Variants in RSBN1 observed in about 807,000 individuals in gnomAD.
RSBN1 encodes the protein lysine-specific demethylase 9.
In RSBN1, 23 loss-of-function variants were observed where a neutral mutation model predicts 74.8. The ratio of observed to expected loss-of-function variants is 0.31; its 90% CI spans 0.22 to 0.44. The LOEUF is 0.44. Ranked by LOEUF, RSBN1 falls within the 20% of genes least tolerant of loss-of-function variation. RSBN1 has a pLI of 1.00. For missense variants in RSBN1, 808 were observed against 1,020.9 expected (o/e 0.79, Z 2.84); for synonymous variants, 407 against 379.6 (o/e 1.07, Z -0.84).
chr1:113,768,239 A>G lies in RSBN1; in HGVS notation c.1809T>C (p.Ala603=). The G allele has an allele frequency of 6.2e-7, 1 of 1,608,768 alleles. No individual in the cohort carries two copies. Among genetic ancestry groups the G allele is most frequent in the Non-Finnish European group, 8.5e-7 (1 of 1,177,952 alleles). Residue 603 remains alanine, a synonymous_variant, in exon 5 of 7, where the codon GCT becomes GCC. Coordinates refer to ENST00000261441, the MANE Select transcript of RSBN1 (RefSeq NM_018364.5). ...QSTAAVGVLK[A]VQFGEWSDQP... is the part of the protein sequence containing the mutation. The stretch of plus-strand genomic sequence containing the variant: ...TAACTCACCATTCACCAAATTGTAC[A>G]GCTTTCAAAACTCCAACAGCAGCCG...
rs139244607 is a variant in RSBN1, at chr1:113,812,310, C to T, written c.103G>A (p.Gly35Arg). ...ARAALARCAD[G>R]GAVGPFKCVF... ...CATTTAAATGGCCCGACCGCCCCCCCGTCCGCGCATCGCGCAAGCGCCGCC... is the reference window on the plus strand; with the variant it reads ...CATTTAAATGGCCCGACCGCCCCCCTGTCCGCGCATCGCGCAAGCGCCGCC... Residue 35 changes from glycine (G) to arginine (R), a missense_variant, in exon 1 of 7, where the codon GGG becomes AGG. Physicochemically the swap from Gly to Arg is moderately radical, Grantham distance 125. Coordinates refer to ENST00000261441, the MANE Select transcript of RSBN1 (RefSeq NM_018364.5). 27 of 1,604,130 alleles carry T rather than the reference C, an allele frequency of 1.7e-5. No individual in the cohort carries two copies. The African/African-American group carries it at 2.8e-4, about 17-fold the overall frequency.
intron 1 of RSBN1, among the ~76,000 whole-genome samples, chr1:113,809,736 T>C (rs1421634648): frequency 6.6e-6 from 1 of 152,200 alleles, no homozygotes; most frequent in Non-Finnish European, 1.5e-5. Context: ...GTTGGCAAAC[T>C]ACAGATATTT....
chr1:113,774,403 G>A (rs914306342), intron 4 of RSBN1, among the ~76,000 whole-genome samples: 3 of 151,714 alleles, frequency 2.0e-5, no homozygotes, highest in African/African-American at 7.3e-5. Flanking sequence ...GGCCAGGCAC[G>A]GTGGCTCACG....
chr1:113,806,944 T>C (rs1389459492), intron 1 of RSBN1, among the ~76,000 whole-genome samples: 1 of 149,994 alleles, frequency 6.7e-6, no homozygotes, highest in Non-Finnish European at 1.5e-5. Flanking sequence ...GCCCCAGAGG[T>C]TGAGGCTAGA....
At chr1:113,810,626 C>CA (rs1558006683) in intron 1 of RSBN1, among the ~76,000 whole-genome samples, 2 of 151,390 alleles carry the variant, frequency 1.3e-5, no homozygotes, top group Middle Eastern at 3.4e-3. Context: ...ATAGCACCAC[C>CA]AAAAAAAATG....
rs1037337065 is a variant in RSBN1 at position 113,812,283 on chromosome 1, C to G, written c.130G>C (p.Val44Leu). ...TGCGCAGCCATTTCACCCACAAACA[C>G]ACATTTAAATGGCCCGACCGCCCCC... ...DGGAVGPFKC[V>L]FVGEMAAQVG... is the part of the protein sequence containing the mutation. Residue 44 changes from valine to leucine, a missense_variant, in exon 1 of 7, where the codon GTG becomes CTG. Val to Leu is a conservative substitution (Grantham distance 32, BLOSUM62 1). Transcript: ENST00000261441. 1 of 1,605,356 alleles carries G rather than the reference C, an allele frequency of 6.2e-7. No individual in the cohort carries two copies. Among genetic ancestry groups the G allele is most frequent in the Non-Finnish European group, 8.5e-7 (1 of 1,179,826 alleles).
intron 1 of RSBN1, among the ~76,000 whole-genome samples, chr1:113,805,472 T>C (rs1385644688): frequency 2.0e-5 from 3 of 152,130 alleles, no homozygotes; most frequent in Non-Finnish European, 4.4e-5. Flanking sequence ...TCAAGCTTAT[T>C]CCCTATAAGA....
At chr1:113,773,215 A>C (rs1458367742) in intron 4 of RSBN1, among the ~76,000 whole-genome samples, 2 of 152,214 alleles carry the variant, frequency 1.3e-5, no homozygotes, top group Non-Finnish European at 2.9e-5. Context: ...CCCCTCAAAA[A>C]ACAGCAAATT....
intron 1 of RSBN1, among the ~76,000 whole-genome samples, chr1:113,808,149 C>T (rs1660751223): frequency 6.6e-6 from 1 of 152,100 alleles, no homozygotes; most frequent in Admixed American, 6.5e-5. Flanking sequence ...ATATAGTCAT[C>T]CTTGGTATCC....
intron 2 of RSBN1, among the ~76,000 whole-genome samples, chr1:113,787,282 C>T (rs1030277187): frequency 6.6e-6 from 1 of 152,056 alleles, no homozygotes; most frequent in Non-Finnish European, 1.5e-5. Context: ...TTGTCAAAAT[C>T]CCACTCAAGT....
At chr1:113,772,289 C>T (rs978795117) in intron 4 of RSBN1, among the ~76,000 whole-genome samples, 2 of 151,772 alleles carry the variant, frequency 1.3e-5, no homozygotes, top group African/African-American at 2.4e-5. Flanking sequence ...TGTAAGAGGA[C>T]GGAATACCTG....
chr1:113,775,027 T>C (rs1472500699), intron 4 of RSBN1, among the ~76,000 whole-genome samples: 1 of 142,410 alleles, frequency 7.0e-6, no homozygotes, highest in Non-Finnish European at 1.6e-5. Context: ...GGTGGCTACC[T>C]TTTTTTTTTT....
intron 2 of RSBN1, chr1:113,796,180 C>A (rs1660468317): frequency 6.6e-6 from 1 of 152,152 alleles, no homozygotes; most frequent in South Asian, 2.1e-4. Context: ...GTCAGCACTT[C>A]GGTACCTGGT....
chr1:113,786,026 G>A (rs757835978), intron 2 of RSBN1, among the ~76,000 whole-genome samples: 24 of 152,280 alleles, frequency 1.6e-4, no homozygotes, highest in Non-Finnish European at 3.4e-4. Context: ...GATCAGCTAG[G>A]AGTATTCTAT....
At chr1:113,775,206 G>A (rs1417917269) in intron 4 of RSBN1, among the ~76,000 whole-genome samples, 1 of 151,694 alleles carries the variant, frequency 6.6e-6, no homozygotes, top group African/African-American at 2.4e-5. Context: ...TGTATTTTTA[G>A]TAGAGATGGG....
At chr1:113,779,951 C>T (rs374727673) in intron 2 of RSBN1, among the ~76,000 whole-genome samples, 2 of 151,562 alleles carry the variant, frequency 1.3e-5, no homozygotes, top group East Asian at 1.9e-4. Flanking sequence ...ACATGGGAGG[C>T]GGAGTTTGCA....
At chr1:113,806,226 T>C (rs949800843) in intron 1 of RSBN1, among the ~76,000 whole-genome samples, 2 of 151,284 alleles carry the variant, frequency 1.3e-5, no homozygotes, top group Non-Finnish European at 2.9e-5. Context: ...TCCCAGCTAC[T>C]CAGGAGGCTG....
In RSBN1 at chr1:113,762,753, G is replaced by T. The variant is rs1037378700; in HGVS notation, c.*3227C>A. Reference sequence around the variant, plus strand: ...ATATTTATATAGGGAAAGGCAATAAGCAAGTTTTTTCCAGTCATTAAGTGT... The same window carrying T: ...ATATTTATATAGGGAAAGGCAATAATCAAGTTTTTTCCAGTCATTAAGTGT... On this transcript the variant is annotated 3_prime_UTR_variant, in exon 7 of 7. Coordinates refer to ENST00000261441, the MANE Select transcript of RSBN1 (RefSeq NM_018364.5). The T allele has an allele frequency of 3.9e-5, 6 of 152,698 alleles. No individual in the cohort carries two copies. Among genetic ancestry groups the T allele is most frequent in the African/African-American group, 1.2e-4 (5 of 41,444 alleles). The allele number at this position is 152,698 out of a possible 1,614,324, so 9.5% of individuals were successfully genotyped here.
chr1:113,784,503 G>A (rs1660199388), intron 2 of RSBN1, among the ~76,000 whole-genome samples: 1 of 152,128 alleles, frequency 6.6e-6, no homozygotes, highest in Non-Finnish European at 1.5e-5. Context: ...AAAGGGCAGG[G>A]GGTTGGCAGG....
Sources: allele counts gnomAD v4.1 joint callset (sites outside exome capture counted in the v4.1 genomes callset), GRCh38; gene constraint gnomAD v4.1.1; transcripts MANE v1.5; gene names NCBI Gene and HGNC (gene_info 2026-07-23, HGNC 2026-07-21).